Variants in LPP observed in about 807,000 individuals in gnomAD.
LPP encodes the protein LIM domain containing preferred translocation partner in lipoma, also known as lipoma-preferred partner.
A neutral mutation model predicts 60.4 loss-of-function variants in LPP; 38 were observed. That is an observed-to-expected ratio of 0.63 (90% CI 0.49 to 0.83). The LOEUF is 0.83. LPP is among the 40% of genes least tolerant of loss of function. The probability of loss-of-function intolerance (pLI) is 0.00; values close to 1 mark genes in which losing one functional copy is unlikely to be tolerated. For synonymous variants in LPP, 328 were observed against 290.8 expected (o/e 1.13, Z -1.30); for missense variants, 902 against 783.6 (o/e 1.15, Z -1.80).
chr3:188,833,499 C>T (rs936766314), intron 9 of LPP, among the ~76,000 whole-genome samples: 6 of 152,170 alleles, frequency 3.9e-5, no homozygotes, highest in African/African-American at 7.2e-5. Context: ...TATTTTGATG[C>T]TTCTGCATGC....
intron 7 of LPP, among the ~76,000 whole-genome samples, chr3:188,657,941 C>A (rs892358620): frequency 1.3e-5 from 2 of 152,120 alleles, no homozygotes; most frequent in Admixed American, 1.3e-4. Flanking sequence ...CATAAAAATA[C>A]ATAATGGTGC....
At chr3:188,701,886 A>G (rs1383749473) in intron 7 of LPP, among the ~76,000 whole-genome samples, 2 of 150,976 alleles carry the variant, frequency 1.3e-5, no homozygotes, top group African/African-American at 4.9e-5. Context: ...TACTTAAAAC[A>G]GGCTTGGCAT....
At chr3:188,456,756 G>A (rs924623007) in intron 4 of LPP, among the ~76,000 whole-genome samples, 2 of 152,194 alleles carry the variant, frequency 1.3e-5, no homozygotes, top group Admixed American at 6.5e-5. Flanking sequence ...AACGCCTGTC[G>A]ATTTTTAAGA....
intron 6 of LPP, among the ~76,000 whole-genome samples, chr3:188,525,393 A>T (rs1579638791): frequency 6.6e-6 from 1 of 152,232 alleles, no homozygotes; most frequent in East Asian, 1.9e-4. Flanking sequence ...TAAAAATAAC[A>T]CAACATCATA....
rs112262387 is a variant in LPP at position 188,807,826 on chromosome 3, A to G, written c.1410+47544A>G. 2.8e-3 allele frequency among the ~76,000 whole-genome samples: 423 copies of G among 152,234 alleles called. 2 individuals carry two copies. The highest frequency in any genetic ancestry group is 9.6e-3 in the African/African-American group (397 of 41,552). ...TTATTTTAAATTCCCTATCTGATCA[A>G]TCCAACATCTGTCTTATTTCTGAGT... On this transcript the variant is annotated intron_variant, in intron 9 of 11. Transcript: ENST00000617246.
chr3:188,317,572 C>T (rs1338143419), intron 2 of LPP, among the ~76,000 whole-genome samples: 1 of 152,150 alleles, frequency 6.6e-6, no homozygotes. Context: ...GTTTTCTTAA[C>T]CACACTGTAA....
At chr3:188,422,650 G>C (rs1203480985) in intron 4 of LPP, among the ~76,000 whole-genome samples, 1 of 152,126 alleles carries the variant, frequency 6.6e-6, no homozygotes, top group Non-Finnish European at 1.5e-5. Context: ...AACCTAAAAT[G>C]CATGCCTTGT....
At chr3:188,757,894 T>TTG (rs1247421740) in intron 8 of LPP, among the ~76,000 whole-genome samples, 6 of 145,994 alleles carry the variant, frequency 4.1e-5, no homozygotes, top group Admixed American at 6.8e-5. Flanking sequence ...TTTTGGTTTT[T>TTG]TTTTTTTTTT....
Position 188,888,792 on chromosome 3 carries a change from A to G in LPP, c.*14313A>G. The G allele has an allele frequency of 4.5e-6, 1 of 220,642 alleles. No homozygotes were observed. The highest frequency in any genetic ancestry group is 9.1e-6 in the Non-Finnish European group (1 of 110,082). The allele number at this position is 220,642 out of a possible 1,614,324, so 13.7% of individuals were successfully genotyped here. ...TCACTCACTTCCAATATCCCCTCTC[A>G]AGCGGCTACCGTGAAACGGGCTGCA... On this transcript the variant is annotated 3_prime_UTR_variant, in exon 12 of 12. Transcript: ENST00000617246.
chr3:188,227,538 G>C (rs1370105789), intron 2 of LPP, among the ~76,000 whole-genome samples: 2 of 152,014 alleles, frequency 1.3e-5, no homozygotes, highest in Non-Finnish European at 2.9e-5. Context: ...GCGTTTAATA[G>C]AGTATGGCAT....
chr3:188,760,031 G>A, intron 8 of LPP, 82 bp from the exon 9 acceptor site: 1 of 1,246,800 alleles, frequency 8.0e-7, no homozygotes, highest in Non-Finnish European at 1.2e-6. Context: ...CTGACGTTAT[G>A]AACCTGCTTT....
Position 188,874,849 on chromosome 3 carries a change from GTC to G in LPP, c.*372_*373del. 4.1e-6 allele frequency: 1 copy of G among 244,290 alleles called. No individual in the cohort carries two copies. Among genetic ancestry groups the G allele is most frequent in the Non-Finnish European group, 8.1e-6 (1 of 124,066 alleles). The allele number at this position is 244,290 out of a possible 1,614,324, so 15.1% of individuals were successfully genotyped here. On this transcript the variant is annotated 3_prime_UTR_variant, in exon 12 of 12. Coordinates refer to ENST00000617246, the MANE Select transcript of LPP (RefSeq NM_001375462.1). Reference sequence around the variant, plus strand: ...CTGTCACATAGTTTTTCCTGGGTGAGTCTGCCAACTCACAGGTGCTTTTAGGC... The same window carrying G: ...CTGTCACATAGTTTTTCCTGGGTGAGTGCCAACTCACAGGTGCTTTTAGGC...
chr3:188,533,304 A>T (rs1335182339), intron 6 of LPP, among the ~76,000 whole-genome samples: 1 of 152,228 alleles, frequency 6.6e-6, no homozygotes, highest in Non-Finnish European at 1.5e-5. Context: ...CAAGTCAAAC[A>T]TGTAGGCTAC....
intron 2 of LPP, among the ~76,000 whole-genome samples, chr3:188,237,046 C>T (rs983737278): frequency 1.3e-5 from 2 of 152,138 alleles, no homozygotes; most frequent in African/African-American, 4.8e-5. Context: ...TCTGCTTTAT[C>T]CATTAAGTTT....
intron 6 of LPP, among the ~76,000 whole-genome samples, chr3:188,581,693 T>A (rs1836178659): frequency 6.6e-6 from 1 of 152,126 alleles, no homozygotes; most frequent in Admixed American, 6.5e-5. Context: ...CCCCTGGTTA[T>A]ACCCTGGATC....
At chr3:188,806,771 T>C (rs753830789) in intron 9 of LPP, among the ~76,000 whole-genome samples, 2 of 151,942 alleles carry the variant, frequency 1.3e-5, no homozygotes, top group African/African-American at 4.8e-5. Flanking sequence ...AATACTATTA[T>C]ATCACTGTCT....
intron 6 of LPP, among the ~76,000 whole-genome samples, chr3:188,596,050 G>A (rs1321925813): frequency 6.6e-6 from 1 of 152,070 alleles, no homozygotes; most frequent in African/African-American, 2.4e-5. Context: ...GAACCTGCTC[G>A]CAATTTATTT....
chr3:188,561,751 C>G (rs1043387123), intron 6 of LPP, among the ~76,000 whole-genome samples: 2 of 151,934 alleles, frequency 1.3e-5, no homozygotes, highest in African/African-American at 4.8e-5. Flanking sequence ...CAAGGAAATA[C>G]TCATTACATA....
At chr3:188,818,734 G>A (rs965027617) in intron 9 of LPP, among the ~76,000 whole-genome samples, 2 of 152,054 alleles carry the variant, frequency 1.3e-5, no homozygotes, top group African/African-American at 2.4e-5. Flanking sequence ...TAACCTCTCC[G>A]AGGCTCAGTT....
Sources: gnomAD v4.1 joint callset for allele counts (sites outside exome capture counted in the v4.1 genomes callset) on GRCh38, gnomAD v4.1.1 for gene constraint, MANE v1.5 for transcripts, NCBI Gene and HGNC (gene_info 2026-07-23, HGNC 2026-07-21) for gene names.